KIRREL1: variants seen among roughly 807,000 people sequenced by gnomAD.
KIRREL1 encodes kin of IRRE-like protein 1.
Under a neutral mutation model 83.3 loss-of-function variants are expected in KIRREL1, and 25 were observed. The ratio of observed to expected loss-of-function variants is 0.30; its 90% confidence interval spans 0.22 to 0.42. The LOEUF (loss-of-function observed/expected upper bound fraction) is 0.42, where lower values mean the gene tolerates loss of function less well. KIRREL1 is among the 10% of genes least tolerant of loss of function. The pLI, the probability that KIRREL1 is intolerant of heterozygous loss-of-function variation, is 1.00. For missense variants in KIRREL1, 812 were observed against 1,032.3 expected, an observed-to-expected ratio of 0.79 and a Z score of 2.92; for synonymous variants, 388 against 410.4, an observed-to-expected ratio of 0.95 and a Z score of 0.66.
At chr1:158,048,120 G>A (rs1370429854) in intron 1 of KIRREL1, among the ~76,000 whole-genome samples, 9 of 152,150 alleles carry the variant, frequency 5.9e-5, no homozygotes, top group Admixed American at 5.9e-4. Context: ...TACTTTCTAG[G>A]CCAGCAGTCC....
At position 158,076,232 on chromosome 1, in the gene KIRREL1, C is replaced by T; in HGVS notation, c.172C>T (p.Leu58=). The change falls in exon 2 of 15, where the codon CTG becomes TTG. Residue 58 remains leucine, a synonymous_variant. Transcript: ENST00000359209. The part of the protein sequence containing the change: ...SGIVQWTKDG[L]ALGMGQGLKA... ...AATTGTGCAATGGACCAAGGACGGG[C>T]TGGCCCTGGGCATGGGCCAGGGCCT... is the stretch of plus-strand genomic sequence containing the variant. The T allele has an allele frequency of 6.2e-7, 1 of 1,614,194 alleles. No individual in the cohort carries two copies. Among genetic ancestry groups the T allele is most frequent in the Non-Finnish European group, 8.5e-7 (1 of 1,180,010 alleles).
At chr1:158,037,021 C>T (rs997699984) in intron 1 of KIRREL1, among the ~76,000 whole-genome samples, 3 of 152,178 alleles carry the variant, frequency 2.0e-5, no homozygotes, top group South Asian at 4.1e-4. Context: ...CCTTCAGGGC[C>T]TCCCGTGTCT....
Position 158,094,536 on chromosome 1 carries a change from A to C in KIRREL1, c.1798-108A>C. On this transcript the variant is annotated intron_variant, in intron 14 of 14. Transcript: ENST00000359209. The surrounding 1 kb of genome is among the most constrained non-coding windows in gnomAD (Gnocchi z 4.6). The stretch of plus-strand genomic sequence containing the variant: ...AGGAGCAGAGGAGGTGGAATGCTAG[A>C]TGGGGACATAGGGAGAGCTGGAGGA... 6 of 1,246,794 alleles carry C rather than the reference A, an allele frequency of 4.8e-6. No individual in the cohort carries two copies. Among genetic ancestry groups the C allele is most frequent in the Non-Finnish European group, 5.8e-6 (5 of 855,248 alleles). The allele number at this position is 1,246,794 out of a possible 1,614,324, so 77.2% of individuals were successfully genotyped here. A position where few individuals can be genotyped will look rare whatever the true frequency, so the allele number is the denominator to read the frequency against.
chr1:158,091,253 G>A (rs2274165), intron 10 of KIRREL1, 105 bp from the exon 11 acceptor site: 75,329 of 1,019,706 alleles, frequency 0.074, 3,116 homozygotes, highest in African/African-American at 0.11. Context: ...GGGCACACAT[G>A]GCACATAGGG....
chr1:158,099,033 G>A lies in KIRREL1; in HGVS notation c.*3913G>A, dbSNP rs1248844836. 1.3e-5 allele frequency: 2 copies of A among 152,228 alleles called. No individual in the cohort carries two copies. The highest frequency in any genetic ancestry group is 4.8e-5 in the African/African-American group (2 of 41,442). 9.4% of individuals were successfully genotyped at this position (152,228 alleles called of 1,614,324 possible). On this transcript the variant is annotated 3_prime_UTR_variant, in exon 15 of 15. Transcript: ENST00000359209. ...ATTAAAGCCAAGACCCGTTTGGAGC[G>A]AACTGCCTTGTTCTTTGCTGTGTGG...
chr1:158,054,082 G>A (rs1370121673), intron 1 of KIRREL1, among the ~76,000 whole-genome samples: 5 of 151,710 alleles, frequency 3.3e-5, no homozygotes, highest in African/African-American at 7.3e-5. Context: ...GTGTGGTGGT[G>A]TGTGCCTGTA....
chr1:158,085,473 T>G (rs967297874), intron 4 of KIRREL1, among the ~76,000 whole-genome samples: 2 of 152,248 alleles, frequency 1.3e-5, no homozygotes, highest in African/African-American at 4.8e-5. Flanking sequence ...TCAGTGGTAC[T>G]TAACCTTTTC....
At chr1:158,035,986 CAG>C (rs1284648137) in intron 1 of KIRREL1, among the ~76,000 whole-genome samples, 2 of 152,176 alleles carry the variant, frequency 1.3e-5, no homozygotes, top group Admixed American at 6.5e-5. Context: ...TATGCATTGA[CAG>C]AGTTTACCAT....
Position 158,096,403 on chromosome 1 carries a change from C to T in KIRREL1, c.*1283C>T, listed in dbSNP as rs1478637554. 6 of 343,588 alleles carry T rather than the reference C, an allele frequency of 1.7e-5. No individual in the cohort carries two copies. Among genetic ancestry groups the T allele is most frequent in the South Asian group, 4.5e-5 (2 of 44,526 alleles). 21.3% of individuals were successfully genotyped at this position (343,588 alleles called of 1,614,324 possible). On this transcript the variant is annotated 3_prime_UTR_variant, in exon 15 of 15. Transcript: ENST00000359209. The stretch of plus-strand genomic sequence containing the variant: ...TTTTCTTGGACCAATCAGATTCCTT[C>T]TTCCACTTTCAGTGCCTTGAGTGTC...
chr1:157,994,542 C>T (rs1659137982), intron 1 of KIRREL1, among the ~76,000 whole-genome samples: 1 of 151,666 alleles, frequency 6.6e-6, no homozygotes, highest in African/African-American at 2.4e-5. Flanking sequence ...ATGAGGATGT[C>T]AGTGTATCCT....
rs979791361 is a variant in KIRREL1, at chr1:158,095,523, G to A, written c.*403G>A. The A allele has an allele frequency of 5.9e-6, 1 of 170,138 alleles. No homozygotes were observed. Among genetic ancestry groups the A allele is most frequent in the East Asian group, 1.8e-4 (1 of 5,668 alleles). The allele number at this position is 170,138 out of a possible 1,614,324, so 10.5% of individuals were successfully genotyped here. A position where few individuals can be genotyped will look rare whatever the true frequency, so the allele number is the denominator to read the frequency against. On this transcript the variant is annotated 3_prime_UTR_variant, in exon 15 of 15. Coordinates refer to ENST00000359209, the MANE Select transcript of KIRREL1 (RefSeq NM_018240.7). ...GCAGGCTTTGGCCTAGGGACATGAA[G>A]TATGGGAGTGGGTGGCTGTGGCACA...
chr1:158,086,792 G>C, intron 5 of KIRREL1, 46 bp downstream of exon 5: 1 of 1,525,116 alleles, frequency 6.6e-7, no homozygotes, highest in Non-Finnish European at 8.9e-7. Context: ...GGTGGAAGAA[G>C]GGGTGTGTTT....
At chr1:158,068,985 G>A (rs113626690) in intron 1 of KIRREL1, among the ~76,000 whole-genome samples, 1 of 152,270 alleles carries the variant, frequency 6.6e-6, no homozygotes, top group Middle Eastern at 3.4e-3. Context: ...GGCCCAGGGG[G>A]TTCATTACTG....
chr1:158,012,589 G>C (rs1289203942), intron 1 of KIRREL1, among the ~76,000 whole-genome samples: 1 of 152,150 alleles, frequency 6.6e-6, no homozygotes, highest in Non-Finnish European at 1.5e-5. Flanking sequence ...TCAGGGACCT[G>C]AGTTCACATT....
chr1:158,011,079 G>A (rs1285231477), intron 1 of KIRREL1, among the ~76,000 whole-genome samples: 1 of 152,158 alleles, frequency 6.6e-6, no homozygotes, highest in Non-Finnish European at 1.5e-5. Flanking sequence ...TGCAAAGACC[G>A]ACAGCCTTCC....
intron 3 of KIRREL1, among the ~76,000 whole-genome samples, chr1:158,079,413 G>A (rs985100107): frequency 2.6e-5 from 4 of 152,182 alleles, no homozygotes; most frequent in Non-Finnish European, 4.4e-5. Flanking sequence ...TCCACCTCCC[G>A]GGTTCAAGGG....
At chr1:158,051,461 A>G (rs12094941) in intron 1 of KIRREL1, among the ~76,000 whole-genome samples, 9,235 of 152,308 alleles carry the variant, frequency 0.061, 932 homozygotes, top group African/African-American at 0.21. Flanking sequence ...ATTTTAAAAT[A>G]CTTGCTACAT....
intron 1 of KIRREL1, among the ~76,000 whole-genome samples, chr1:158,048,485 G>C (rs187420265): frequency 6.6e-6 from 1 of 152,326 alleles, no homozygotes; most frequent in Admixed American, 6.5e-5. Context: ...TTTTGAGCCA[G>C]CAGTGTGCTG....
rs145693910 is a variant in KIRREL1 at position 158,089,815 on chromosome 1, C to A, written c.1269C>A (p.Arg423=). The change falls in exon 10 of 15, where the codon CGC becomes CGA. Residue 423 remains arginine (R), a synonymous_variant. Coordinates refer to ENST00000359209, the MANE Select transcript of KIRREL1 (RefSeq NM_018240.7). ...CFIGSTPPPD[R]IAWAWKENFL... ...TTGGGAGCACACCACCCCCAGACCG[C>A]ATAGTGAGTGGCGGACCTGCCTGCG... 2,014 of 1,613,922 alleles carry A rather than the reference C, an allele frequency of 1.2e-3. 20 individuals carry two copies. In the African/African-American group the frequency reaches 0.024, roughly 20 times the overall value.
Sources: gnomAD v4.1 joint callset for allele counts (sites outside exome capture counted in the v4.1 genomes callset) on GRCh38, gnomAD v4.1.1 for gene constraint, Gnocchi (gnomAD v3.1) non-coding constraint, MANE v1.5 for transcripts, NCBI Gene and HGNC (gene_info 2026-07-23, HGNC 2026-07-21) for gene names.